The following FANK1 variants were observed in gnomAD, a reference collection of about 807,000 sequenced individuals.
FANK1 encodes the protein fibronectin type 3 and ankyrin repeat domains protein 1.
Under a neutral mutation model 45.3 loss-of-function variants are expected in FANK1, and 44 were observed. That is an observed-to-expected ratio of 0.97 (90% CI 0.76 to 1.25). The LOEUF is 1.25. FANK1 is among the 50% of genes most tolerant of loss of function. FANK1 has a pLI of 0.00. For synonymous variants in FANK1, 149 were observed against 152.5 expected, an observed-to-expected ratio of 0.98 and a Z score of 0.17; for missense variants, 391 against 424.4, an observed-to-expected ratio of 0.92 and a Z score of 0.69.
At chr10:125,923,710 T>C (rs1264633742) in intron 1 of FANK1, among the ~76,000 whole-genome samples, 1 of 151,894 alleles carries the variant, frequency 6.6e-6, no homozygotes, top group Non-Finnish European at 1.5e-5. Flanking sequence ...GTATTTTTGG[T>C]AGAGACAGGG....
At chr10:125,919,195 A>ATTTTTTTTTTTTTTTTTTT (rs142716284) in intron 1 of FANK1, among the ~76,000 whole-genome samples, 639 of 51,878 alleles carry the variant, frequency 0.012, 103 homozygotes, top group Admixed American at 0.016. Flanking sequence ...GGAGGTAAGA[A>ATTTTTTTTTTTTTTTTTTT]TTTTTTTTTT....
chr10:125,946,669 G>C (rs1285936780), intron 1 of FANK1, among the ~76,000 whole-genome samples: 1 of 148,560 alleles, frequency 6.7e-6, no homozygotes, highest in Non-Finnish European at 1.5e-5. Context: ...ATGGAACCAA[G>C]TTGGAAAACA....
intron 1 of FANK1, among the ~76,000 whole-genome samples, chr10:125,899,047 A>G (rs1944819262): frequency 6.6e-6 from 1 of 151,984 alleles, no homozygotes; most frequent in Non-Finnish European, 1.5e-5. Flanking sequence ...GGTGTGTGCC[A>G]CCATACCCCG....
intron 1 of FANK1, among the ~76,000 whole-genome samples, chr10:125,903,166 T>C (rs532532522): frequency 6.6e-6 from 1 of 152,420 alleles, no homozygotes; most frequent in South Asian, 2.1e-4. Flanking sequence ...GCTTTACTTC[T>C]TGATGGGAGA....
intron 5 of FANK1, 136 bp from the exon 6 acceptor site, chr10:125,997,284 G>A: frequency 1.8e-6 from 1 of 540,890 alleles, no homozygotes; most frequent in Non-Finnish European, 3.1e-6. Context: ...TTTAAAACCA[G>A]CTGGCTTCTG....
intron 1 of FANK1, among the ~76,000 whole-genome samples, chr10:125,899,146 C>T (rs1401407358): frequency 6.6e-5 from 10 of 152,254 alleles, no homozygotes; most frequent in East Asian, 3.9e-4. Flanking sequence ...CTGCAACCTC[C>T]GCCTCCCGGG....
In FANK1 at chr10:125,997,986, C is replaced by T. The variant is rs1040605752; in HGVS notation, c.539+501C>T. Among the ~76,000 whole-genome samples the T allele has an allele frequency of 1.3e-5, 2 of 152,200 alleles. 1 individual carries two copies. The highest frequency in any genetic ancestry group is 4.8e-5 in the African/African-American group (2 of 41,448). On this transcript the variant is annotated intron_variant, in intron 6 of 10. Transcript: ENST00000368693. ...ACATGTCCCCTTGGAGGGCTGAGAA[C>T]GCTATAGGAAAAGCTCAGGGGAAGA...
At chr10:125,908,923 T>C (rs1945763140) in intron 1 of FANK1, among the ~76,000 whole-genome samples, 1 of 152,308 alleles carries the variant, frequency 6.6e-6, no homozygotes, top group Non-Finnish European at 1.5e-5. Flanking sequence ...ATAGAGCTTC[T>C]GTGGGTCCTG....
intron 1 of FANK1, among the ~76,000 whole-genome samples, chr10:125,928,728 A>G (rs1395029114): frequency 6.6e-6 from 1 of 152,134 alleles, no homozygotes; most frequent in African/African-American, 2.4e-5. Flanking sequence ...GCATCTTCTC[A>G]TGTTTTAATA....
At chr10:125,933,133 T>A (rs1947859822) in intron 1 of FANK1, among the ~76,000 whole-genome samples, 1 of 152,204 alleles carries the variant, frequency 6.6e-6, no homozygotes, top group African/African-American at 2.4e-5. Context: ...AGCATCTATG[T>A]TCATCAAGGA....
At chr10:125,964,186 C>CTTTTTTTTTTTTTTTTTTTTTTT (rs71486557) in intron 1 of FANK1, among the ~76,000 whole-genome samples, 1 of 78,392 alleles carries the variant, frequency 1.3e-5, no homozygotes, top group East Asian at 4.7e-4. Flanking sequence ...TTCTCTCTCT[C>CTTTTTTTTTTTTTTTTTTTTTTT]TTTTTTTTTT....
chr10:125,988,599 G>A lies in FANK1; in HGVS notation c.240G>A (p.Leu80=), dbSNP rs1951720871. ...HVVEGLEPRT[L]YRFRLKVTSP... Reference sequence around the variant, plus strand: ...TTGAAGGTCTGGAACCAAGGACGCTGTACAGATTTCGCCTGAAGGTCACCA... The same window carrying A: ...TTGAAGGTCTGGAACCAAGGACGCTATACAGATTTCGCCTGAAGGTCACCA... The change falls in exon 3 of 11, where the codon CTG becomes CTA. Residue 80 remains leucine (L), a synonymous_variant. Coordinates refer to ENST00000368693, the MANE Select transcript of FANK1 (RefSeq NM_145235.5). 6.2e-7 allele frequency: 1 copy of A among 1,614,096 alleles called. No homozygotes were observed. Among genetic ancestry groups the A allele is most frequent in the South Asian group, 1.1e-5 (1 of 91,088 alleles).
At chr10:126,004,060 G>T (rs1952983373) in intron 6 of FANK1, 1 of 150,598 alleles carries the variant, frequency 6.6e-6, no homozygotes, top group African/African-American at 2.4e-5. Flanking sequence ...GCAAATAAGG[G>T]TTTTTCTAAC....
intron 1 of FANK1, among the ~76,000 whole-genome samples, chr10:125,913,622 T>C (rs1046018753): frequency 1.3e-5 from 2 of 152,206 alleles, no homozygotes; most frequent in Non-Finnish European, 2.9e-5. Context: ...CCTGGGTTAA[T>C]TTACAAAATT....
In FANK1 at chr10:125,936,432, CAAAAAA is replaced by C. The variant is rs11405392; in HGVS notation, c.13+39795_13+39800del. Among the ~76,000 whole-genome samples the C allele has an allele frequency of 2.6e-5, 3 of 115,230 alleles. 1 individual carries two copies. The highest frequency in any genetic ancestry group is 6.0e-4 in the South Asian group (2 of 3,354). The allele number at this position is 115,230 out of a possible 152,430, so 75.6% of individuals were successfully genotyped here. ...AACCCACTGGAGCGAGATGCTGTCT[CAAAAAA>C]AAAAAAAAAAAAAAAAATTGCCACA... On this transcript the variant is annotated intron_variant, in intron 1 of 10. Transcript: ENST00000368693.
chr10:125,926,993 T>C (rs1259708138), intron 1 of FANK1, among the ~76,000 whole-genome samples: 1 of 152,200 alleles, frequency 6.6e-6, no homozygotes, highest in Non-Finnish European at 1.5e-5. Context: ...CAGAAGCCTC[T>C]CTTCTGTTTC....
At chr10:125,970,801 A>G (rs1294561952) in intron 1 of FANK1, among the ~76,000 whole-genome samples, 2 of 152,168 alleles carry the variant, frequency 1.3e-5, no homozygotes, top group African/African-American at 4.8e-5. Context: ...GGACCGTGGA[A>G]AGTGAGAGAT....
chr10:125,980,373 T>G (rs1163273354), intron 2 of FANK1, 35 bp downstream of exon 2: 1 of 1,583,518 alleles, frequency 6.3e-7, no homozygotes, highest in Admixed American at 1.9e-5. Context: ...CCACTTTGCC[T>G]TACTTCCTGA....
At chr10:125,904,358 C>T (rs1001066150) in intron 1 of FANK1, among the ~76,000 whole-genome samples, 12 of 140,878 alleles carry the variant, frequency 8.5e-5, no homozygotes, top group Admixed American at 3.6e-4. Flanking sequence ...AACTTCCTCA[C>T]AAAAACAATC....
Sources: gnomAD v4.1 joint callset for allele counts (sites outside exome capture counted in the v4.1 genomes callset) on GRCh38, gnomAD v4.1.1 for gene constraint, MANE v1.5 for transcripts, NCBI Gene and HGNC (gene_info 2026-07-23, HGNC 2026-07-21) for gene names.